Variants in CACNA2D4 observed in about 807,000 individuals in gnomAD.
The protein encoded by CACNA2D4 is calcium voltage-gated channel auxiliary subunit alpha2delta 4.
In CACNA2D4, 157 loss-of-function variants were observed where a neutral mutation model predicts 163.8. That is an observed-to-expected ratio of 0.96 (90% CI 0.84 to 1.09). CACNA2D4 has a LOEUF of 1.09. Ranked by LOEUF, CACNA2D4 falls within the 50% of genes least tolerant of loss-of-function variation. The pLI is 0.00. For missense variants in CACNA2D4, 1,410 were observed against 1,479.9 expected, an observed-to-expected ratio of 0.95 and a Z score of 0.78; for synonymous variants, 598 against 586.9, an observed-to-expected ratio of 1.02 and a Z score of -0.27.
intron 27 of CACNA2D4, among the ~76,000 whole-genome samples, chr12:1,811,077 T>G (rs1316859174): frequency 6.6e-6 from 1 of 152,196 alleles, no homozygotes; most frequent in African/African-American, 2.4e-5. Flanking sequence ...CCTCCATCCC[T>G]CTCGATTCAC....
At chr12:1,896,615 A>ACACG (rs1866408211) in intron 6 of CACNA2D4, among the ~76,000 whole-genome samples, 1 of 108,752 alleles carries the variant, frequency 9.2e-6, no homozygotes, top group South Asian at 3.5e-4. Flanking sequence ...AAACACACAC[A>ACACG]CACACACACA....
chr12:1,807,342 G>A lies in CACNA2D4; in HGVS notation c.2721+2936C>T, dbSNP rs374517946. ...TGGACATGACATGACAGCAGCCCTG[G>A]GGACCTTGATGCTGTGGCCTGTGCA... is the stretch of plus-strand genomic sequence containing the variant. On this transcript the variant is annotated intron_variant, in intron 29 of 37. Transcript: ENST00000382722. Among the ~76,000 whole-genome samples, 184 of 151,518 alleles carry A rather than the reference G, an allele frequency of 1.2e-3. 1 individual carries two copies. The highest frequency in any genetic ancestry group is 3.4e-3 in the Middle Eastern group (1 of 292).
intron 18 of CACNA2D4, among the ~76,000 whole-genome samples, chr12:1,864,321 C>T (rs1042247231): frequency 6.6e-6 from 1 of 152,204 alleles, no homozygotes; most frequent in Admixed American, 6.5e-5. Context: ...TGTTGAGAAG[C>T]ACTACCACCG....
Position 1,810,283 on chromosome 12 carries a change from G to C in CACNA2D4, c.2716C>G (p.Arg906Gly), listed in dbSNP as rs763125834. 3.1e-6 allele frequency: 5 copies of C among 1,613,162 alleles called. No homozygotes were observed. In the South Asian group the frequency reaches 5.5e-5, roughly 18 times the overall value. ...NGFILISKRS[R>G]ETGRFLGEVD... is the part of the protein sequence containing the mutation. Reference sequence around the variant, plus strand: ...CTATATCCCCAGTGACTCACCTCTCGGGACCTCTTGGAGATCAGAATGAAC... The same window carrying C: ...CTATATCCCCAGTGACTCACCTCTCCGGACCTCTTGGAGATCAGAATGAAC... Residue 906 changes from arginine to glycine, a missense_variant, in exon 29 of 38, where the codon CGA becomes GGA. Arg to Gly is a moderately radical substitution (Grantham distance 125). Transcript: ENST00000382722.
At chr12:1,866,205 C>T (rs944072851) in intron 18 of CACNA2D4, among the ~76,000 whole-genome samples, 1 of 152,168 alleles carries the variant, frequency 6.6e-6, no homozygotes, top group Non-Finnish European at 1.5e-5. Flanking sequence ...TTGTCAAATG[C>T]TCTTTTAGCA....
At position 1,878,554 on chromosome 12, in the gene CACNA2D4, T is replaced by C. The variant is rs1358365171; in HGVS notation, c.1645-165A>G. On this transcript the variant is annotated intron_variant, in intron 15 of 37. Transcript: ENST00000382722. This position sits in a 1 kb window ranked among gnomAD's most constrained non-coding sequence, Gnocchi z 4.6. ...GCCAGTGCCATGCTTCCATCATTGA[T>C]TGAGGAGTCCTTTCCAAACCGGACT... 7.6e-7 allele frequency: 1 copy of C among 1,316,576 alleles called. No homozygotes were observed. The highest frequency in any genetic ancestry group is 1.1e-6 in the Non-Finnish European group (1 of 948,314). 81.6% of individuals were successfully genotyped at this position (1,316,576 alleles called of 1,614,324 possible). A position where few individuals can be genotyped will look rare whatever the true frequency, so the allele number is the denominator to read the frequency against.
intron 14 of CACNA2D4, 104 bp downstream of exon 14, chr12:1,879,700 G>A (rs1865952700): frequency 1.1e-6 from 1 of 909,442 alleles, no homozygotes; most frequent in Admixed American, 2.0e-5. Context: ...ACCCTCCCAA[G>A]GTGGCTCAGA....
At chr12:1,832,747 A>G (rs1565697456) in intron 26 of CACNA2D4, among the ~76,000 whole-genome samples, 1 of 152,210 alleles carries the variant, frequency 6.6e-6, no homozygotes, top group Non-Finnish European at 1.5e-5. Context: ...CAGTTTACCA[A>G]TGTCTTTTCA....
chr12:1,814,290 A>T (rs1205985696), intron 26 of CACNA2D4, among the ~76,000 whole-genome samples: 1 of 152,160 alleles, frequency 6.6e-6, no homozygotes, highest in Non-Finnish European at 1.5e-5. Context: ...CTCCTTGGGC[A>T]GAAATGGGGG....
chr12:1,847,186 T>C (rs919808485), intron 23 of CACNA2D4, among the ~76,000 whole-genome samples: 9 of 152,180 alleles, frequency 5.9e-5, no homozygotes, highest in African/African-American at 2.2e-4. Context: ...CTCATAACCT[T>C]GCCGTTGAGA....
At position 1,793,321 on chromosome 12, in the gene CACNA2D4, A is replaced by G. The variant is rs117750298; in HGVS notation, c.*334T>C. On this transcript the variant is annotated 3_prime_UTR_variant, in exon 38 of 38. Coordinates refer to ENST00000382722, the MANE Select transcript of CACNA2D4 (RefSeq NM_172364.5). Reference sequence around the variant, plus strand: ...CTTGGCTGGGTCTGGACTCTGGAGTACAGGAAGAACTAAATTATTTTGTCT... The same window carrying G: ...CTTGGCTGGGTCTGGACTCTGGAGTGCAGGAAGAACTAAATTATTTTGTCT... The G allele has an allele frequency of 2.8e-6, 1 of 362,016 alleles. No individual in the cohort carries two copies. Among genetic ancestry groups the G allele is most frequent in the Non-Finnish European group, 5.2e-6 (1 of 191,636 alleles). The allele number at this position is 362,016 out of a possible 1,614,324, so 22.4% of individuals were successfully genotyped here. A position where few individuals can be genotyped will look rare whatever the true frequency, so the allele number is the denominator to read the frequency against.
chr12:1,917,857 C>T lies in CACNA2D4; in HGVS notation c.227+390G>A, dbSNP rs1054576763. On this transcript the variant is annotated intron_variant, in intron 1 of 37. Coordinates refer to ENST00000382722, the MANE Select transcript of CACNA2D4 (RefSeq NM_172364.5). This position sits in a 1 kb window ranked among gnomAD's most constrained non-coding sequence, Gnocchi z 4.3. ...AATACGCATTTCCTGCCAAATGCTT[C>T]GGGGAGCTGCGATGCTGAGATAACC... 3 of 205,020 alleles carry T rather than the reference C, an allele frequency of 1.5e-5. No individual in the cohort carries two copies. The highest frequency in any genetic ancestry group is 4.8e-5 in the African/African-American group (2 of 42,066). 12.7% of individuals were successfully genotyped at this position (205,020 alleles called of 1,614,324 possible). A position where few individuals can be genotyped will look rare whatever the true frequency, so the allele number is the denominator to read the frequency against.
At chr12:1,852,499 C>T (rs1043552263) in intron 23 of CACNA2D4, among the ~76,000 whole-genome samples, 1 of 152,058 alleles carries the variant, frequency 6.6e-6, no homozygotes, top group Non-Finnish European at 1.5e-5. Flanking sequence ...GAGAGACCCC[C>T]ATCTCTACAA....
chr12:1,796,861 T>TGCCTCCCC (rs1282352421), intron 35 of CACNA2D4, among the ~76,000 whole-genome samples: 1 of 152,186 alleles, frequency 6.6e-6, no homozygotes, highest in East Asian at 1.9e-4. Context: ...GCGGCCTCCC[T>TGCCTCCCC]GCCTCCCCGG....
intron 24 of CACNA2D4, among the ~76,000 whole-genome samples, chr12:1,845,491 T>G: frequency 6.6e-6 from 1 of 151,988 alleles, no homozygotes; most frequent in East Asian, 1.9e-4. Flanking sequence ...TGTCACAGAG[T>G]CCTGGAAGAA....
intron 18 of CACNA2D4, among the ~76,000 whole-genome samples, chr12:1,863,898 A>C (rs909314821): frequency 5.1e-5 from 1 of 19,514 alleles, no homozygotes; most frequent in Non-Finnish European, 7.8e-5. Flanking sequence ...ATCACTTTAC[A>C]AAAAAAAAAA....
chr12:1,918,398 C>G lies in CACNA2D4; in HGVS notation c.76G>C (p.Ala26Pro), dbSNP rs199570994. 4.4e-6 allele frequency: 7 copies of G among 1,598,616 alleles called. No homozygotes were observed. Among genetic ancestry groups the G allele is most frequent in the East Asian group, 2.3e-5 (1 of 44,104 alleles). Reference protein sequence around the residue: ...PTMPATPNFLANPSSSSRWIP... With the variant: ...PTMPATPNFLPNPSSSSRWIP... Reference sequence around the variant, plus strand: ...CAGCGGCTGCTGGAGCTGGGGTTTGCGAGGAAGTTGGGAGTTGCAGGCATG... The same window carrying G: ...CAGCGGCTGCTGGAGCTGGGGTTTGGGAGGAAGTTGGGAGTTGCAGGCATG... Residue 26 changes from alanine (A) to proline (P), a missense_variant, in exon 1 of 38, where the codon GCA becomes CCA. Transcript: ENST00000382722.
At chr12:1,865,899 C>G (rs1473393696) in intron 18 of CACNA2D4, among the ~76,000 whole-genome samples, 2 of 152,170 alleles carry the variant, frequency 1.3e-5, no homozygotes, top group Non-Finnish European at 2.9e-5. Flanking sequence ...CCTATTAGTT[C>G]TAGTGTTTGT....
intron 18 of CACNA2D4, among the ~76,000 whole-genome samples, chr12:1,864,857 AGTGGGGTCT>A (rs1865608747): frequency 6.6e-6 from 1 of 152,242 alleles, no homozygotes; most frequent in Non-Finnish European, 1.5e-5. Context: ...CAGCTTTAAA[AGTGGGGTCT>A]CTGGGGTCAG....
Sources: allele counts gnomAD v4.1 joint callset (sites outside exome capture counted in the v4.1 genomes callset), GRCh38; gene constraint gnomAD v4.1.1; non-coding constraint Gnocchi (gnomAD v3.1); transcripts MANE v1.5; gene names NCBI Gene and HGNC (gene_info 2026-07-23, HGNC 2026-07-21).